Variants in RGMA observed in about 807,000 individuals in gnomAD.
The protein encoded by RGMA is repulsive guidance molecule A.
Under a neutral mutation model 23.2 loss-of-function variants are expected in RGMA, and 10 were observed. That is an observed-to-expected ratio of 0.43 (90% CI 0.27 to 0.73). The LOEUF is 0.73. Ranked by LOEUF, RGMA falls within the 30% of genes least tolerant of loss-of-function variation. The pLI is 0.20. For missense variants in RGMA, 547 were observed against 630.5 expected (o/e 0.87, Z 1.42); for synonymous variants, 308 against 279.3 (o/e 1.10, Z -1.03).
intron 1 of RGMA, among the ~76,000 whole-genome samples, chr15:93,076,163 A>T (rs995970752): frequency 1.3e-5 from 2 of 152,206 alleles, no homozygotes; most frequent in African/African-American, 4.8e-5. Flanking sequence ...CCTAGGCTAC[A>T]GCTTAGACCT....
chr15:93,045,078 C>T lies in RGMA; in HGVS notation c.1273G>A (p.Ala425Thr). Residue 425 changes from alanine (A) to threonine (T), a missense_variant, in exon 4 of 4, where the codon GCT (alanine) becomes ACT (threonine). By Grantham distance (58) the Ala-to-Thr change is moderately conservative (BLOSUM62 0). This residue lies in a region of RGMA where 205 missense variants were observed against 204.1 expected (regional missense o/e 1.00). Coordinates refer to ENST00000329082, the MANE Select transcript of RGMA (RefSeq NM_020211.3). This position sits in a 1 kb window ranked among gnomAD's most constrained non-coding sequence, Gnocchi z 6.9. ...CGGGGGGCCAGGGGCAGCCCCGCAG[C>T]CGCCCTGCCTGGCAGGTCCCGAGTC... Reference protein sequence around the residue: ...ERTRDLPGRAAAGLPLAPRPL... With the variant: ...ERTRDLPGRATAGLPLAPRPL... 6.4e-7 allele frequency: 1 copy of T among 1,573,674 alleles called. No homozygotes were observed. Among genetic ancestry groups the T allele is most frequent in the Non-Finnish European group, 8.6e-7 (1 of 1,159,992 alleles).
chr15:93,061,910 C>T (rs958400814), intron 2 of RGMA, among the ~76,000 whole-genome samples: 1 of 152,078 alleles, frequency 6.6e-6, no homozygotes, highest in African/African-American at 2.4e-5. Context: ...TGTGAAGGAT[C>T]GACCCTGAGA....
rs764968962 is a variant in RGMA, at chr15:93,052,109, G to A, written c.529C>T (p.Arg177Cys). 8 of 1,613,800 alleles carry A rather than the reference G, an allele frequency of 5.0e-6. No homozygotes were observed. The African/African-American group carries it at 5.3e-5, about 11-fold the overall frequency. The change falls in exon 3 of 4, where the codon CGC becomes TGC. Residue 177 changes from arginine to cysteine, a missense_variant. Around this residue, in one of 3 missense-constraint regions of RGMA, gnomAD observed 128 missense variants for 191.7 expected, o/e 0.67. Coordinates refer to ENST00000329082, the MANE Select transcript of RGMA (RefSeq NM_020211.3). ...GDPHLRTFTD[R>C]FQTCKVQGAW... The stretch of plus-strand genomic sequence containing the variant: ...CCCTGCACCTTGCAGGTCTGGAAGC[G>A]GTCGGTGAAAGTCCTGAGGTGTGGG...
chr15:93,052,750 C>T (rs990783903), intron 2 of RGMA, among the ~76,000 whole-genome samples: 1 of 106,308 alleles, frequency 9.4e-6, no homozygotes, highest in Non-Finnish European at 2.2e-5. Context: ...TGGGGATCCT[C>T]CCACAGCGCC....
rs927266867 is a variant in RGMA, at chr15:93,044,657, A to ATCCC, written c.*340_*341insGGGA. On this transcript the variant is annotated 3_prime_UTR_variant, in exon 4 of 4. Transcript: ENST00000329082. The stretch of plus-strand genomic sequence containing the variant: ...GCCTTTCAGTGCATTGCGAGGGGGA[A>ATCCC]GGAGCTGACTCTGACGGTTCCCAGT... 3.0e-6 allele frequency: 1 copy of ATCCC among 331,490 alleles called. No homozygotes were observed. The highest frequency in any genetic ancestry group is 5.4e-6 in the Non-Finnish European group (1 of 184,520). The allele number at this position is 331,490 out of a possible 1,614,324, so 20.5% of individuals were successfully genotyped here.
At chr15:93,060,114 A>C (rs1841572190) in intron 2 of RGMA, among the ~76,000 whole-genome samples, 1 of 152,182 alleles carries the variant, frequency 6.6e-6, no homozygotes. Context: ...AGGACAGCCA[A>C]TACACACAGA....
chr15:93,070,065 C>G (rs1289238399), intron 2 of RGMA, among the ~76,000 whole-genome samples: 7 of 152,180 alleles, frequency 4.6e-5, no homozygotes, highest in Non-Finnish European at 8.8e-5. Flanking sequence ...AGACACCCTT[C>G]CAGACCGCTT....
chr15:93,036,089 C>T lies in RGMA; in HGVS notation c.*8909G>A, dbSNP rs1295853457. ...ATGTAAGTATGATTACACGTGTAATCACACATGTGACTCGGTTAGTGTCTG... is the reference window on the plus strand; with the variant it reads ...ATGTAAGTATGATTACACGTGTAATTACACATGTGACTCGGTTAGTGTCTG... On this transcript the variant is annotated 3_prime_UTR_variant, in exon 4 of 4. Transcript: ENST00000329082. 1 of 152,238 alleles carries T rather than the reference C, an allele frequency of 6.6e-6. No homozygotes were observed. The highest frequency in any genetic ancestry group is 2.4e-5 in the African/African-American group (1 of 41,430). 9.4% of individuals were successfully genotyped at this position (152,238 alleles called of 1,614,324 possible). A position where few individuals can be genotyped will look rare whatever the true frequency, so the allele number is the denominator to read the frequency against.
chr15:93,076,749 C>G (rs1024272366), intron 1 of RGMA, among the ~76,000 whole-genome samples: 2 of 152,158 alleles, frequency 1.3e-5, no homozygotes, highest in African/African-American at 4.8e-5. Context: ...AGGCTGGGAA[C>G]GCTTAAGTAC....
At chr15:93,082,379 C>T (rs1483292395) in intron 1 of RGMA, among the ~76,000 whole-genome samples, 3 of 152,212 alleles carry the variant, frequency 2.0e-5, no homozygotes, top group East Asian at 1.9e-4. Flanking sequence ...ATGTAACCAG[C>T]GTCGTCATCT....
rs1356339078 is a variant in RGMA, at chr15:93,044,748, C to T, written c.*250G>A. 12 of 554,762 alleles carry T rather than the reference C, an allele frequency of 2.2e-5. No individual in the cohort carries two copies. Among genetic ancestry groups the T allele is most frequent in the Non-Finnish European group, 3.5e-5 (11 of 311,712 alleles). The allele number at this position is 554,762 out of a possible 1,614,324, so 34.4% of individuals were successfully genotyped here. ...GTTTCACACATTCACACTGCAGGGGCGGGGCGAGGGGAGCTGCTCTCCCTC... is the reference window on the plus strand; with the variant it reads ...GTTTCACACATTCACACTGCAGGGGTGGGGCGAGGGGAGCTGCTCTCCCTC... On this transcript the variant is annotated 3_prime_UTR_variant, in exon 4 of 4. Coordinates refer to ENST00000329082, the MANE Select transcript of RGMA (RefSeq NM_020211.3).
chr15:93,061,685 G>T (rs1029236040), intron 2 of RGMA, among the ~76,000 whole-genome samples: 1 of 152,220 alleles, frequency 6.6e-6, no homozygotes, highest in Non-Finnish European at 1.5e-5. Context: ...GCACCTCTGA[G>T]AATCAGAAAG....
chr15:93,071,663 C>T (rs1475489395), intron 2 of RGMA, among the ~76,000 whole-genome samples: 2 of 152,214 alleles, frequency 1.3e-5, no homozygotes, highest in Non-Finnish European at 2.9e-5. Flanking sequence ...CTGCGTGGTC[C>T]GCCCATTGGG....
rs763725871 is a variant in RGMA, at chr15:93,045,318, C to T, written c.1033G>A (p.Ala345Thr). Reference sequence around the variant, plus strand: ...TCGGGGGCTGTGGGTGCAGGGCTGGCGGCTGCCAGCCTGCGGGCACCGGTG... The same window carrying T: ...TCGGGGGCTGTGGGTGCAGGGCTGGTGGCTGCCAGCCTGCGGGCACCGGTG... ...EGTGARRLAA[A>T]SPAPTAPETF... The change falls in exon 4 of 4, where the codon GCC (alanine) becomes ACC (threonine). Residue 345 changes from alanine (A) to threonine (T), a missense_variant. By Grantham distance (58) the Ala-to-Thr change is moderately conservative (BLOSUM62 0). Around this residue, in one of 3 missense-constraint regions of RGMA, gnomAD observed 205 missense variants for 204.1 expected, o/e 1.00. Transcript: ENST00000329082. The surrounding 1 kb of genome is among the most constrained non-coding windows in gnomAD (Gnocchi z 6.9). 27 of 1,611,658 alleles carry T rather than the reference C, an allele frequency of 1.7e-5. No individual in the cohort carries two copies. Among genetic ancestry groups the T allele is most frequent in the Middle Eastern group, 1.6e-4 (1 of 6,082 alleles).
intron 1 of RGMA, chr15:93,073,301 C>T (rs1055706457): frequency 3.8e-6 from 2 of 532,584 alleles, no homozygotes; most frequent in Non-Finnish European, 2.4e-6. Context: ...GCGAGGTAGC[C>T]GGAGGCGGCC....
intron 2 of RGMA, chr15:93,066,100 C>T (rs1895138322): frequency 2.7e-6 from 4 of 1,466,036 alleles, no homozygotes; most frequent in East Asian, 2.3e-5. Flanking sequence ...GCGAAACTTA[C>T]GTAGGTTGGG....
At position 93,072,897 on chromosome 15, in the gene RGMA, C is replaced by CCCTCCCTCGCCATCCATCACT. The variant is rs1895378578; in HGVS notation, c.130+18_130+19insAGTGATGGATGGCGAGGGAGG. On this transcript the variant is annotated intron_variant, in intron 2 of 3. Coordinates refer to ENST00000329082, the MANE Select transcript of RGMA (RefSeq NM_020211.3). ...GGCCCAGGGACCCGGCCCCGCGCGCCCGGCCGGCAGTGCCTTACCTGCGGG... is the reference window on the plus strand; with the variant it reads ...GGCCCAGGGACCCGGCCCCGCGCGCCCCTCCCTCGCCATCCATCACTCGGCCGGCAGTGCCTTACCTGCGGG... 6.3e-7 allele frequency: 1 copy of CCCTCCCTCGCCATCCATCACT among 1,592,118 alleles called. No homozygotes were observed. Among genetic ancestry groups the CCCTCCCTCGCCATCCATCACT allele is most frequent in the African/African-American group, 1.3e-5 (1 of 74,412 alleles).
rs1175933897 is a variant in RGMA, at chr15:93,089,146, G to T, written c.-214C>A. ...TGGCGGAGCCGGCCCGGGAGCGAAC[G>T]GCCAGTGCTTCCCCGGCCCAGCGGC... On this transcript the variant is annotated 5_prime_UTR_variant, in exon 1 of 4. Coordinates refer to ENST00000329082, the MANE Select transcript of RGMA (RefSeq NM_020211.3). 21 of 327,156 alleles carry T rather than the reference G, an allele frequency of 6.4e-5. No individual in the cohort carries two copies. In the East Asian group the frequency reaches 1.0e-3, roughly 16 times the overall value. The allele number at this position is 327,156 out of a possible 1,614,324, so 20.3% of individuals were successfully genotyped here. A position where few individuals can be genotyped will look rare whatever the true frequency, so the allele number is the denominator to read the frequency against.
chr15:93,084,188 T>C (rs1895601437), intron 1 of RGMA, among the ~76,000 whole-genome samples: 1 of 152,136 alleles, frequency 6.6e-6, no homozygotes, highest in South Asian at 2.1e-4. Context: ...GCTATGTTCC[T>C]GTAAGGGGAA....
Sources: allele counts gnomAD v4.1 joint callset (sites outside exome capture counted in the v4.1 genomes callset), GRCh38; gene constraint gnomAD v4.1.1; regional missense constraint gnomAD v4.1.1; non-coding constraint Gnocchi (gnomAD v3.1); transcripts MANE v1.5; gene names NCBI Gene and HGNC (gene_info 2026-07-23, HGNC 2026-07-21).